The following PCDHGB2 variants were observed in gnomAD, a reference collection of about 807,000 sequenced individuals.
PCDHGB2 encodes protocadherin gamma subfamily B, 2, also known as protocadherin gamma-B2.
PCDHGB2 carries 55 observed loss-of-function variants against 59.3 expected under a neutral mutation model. The observed-to-expected ratio is 0.93, with a 90% CI of 0.75 to 1.16. The LOEUF (loss-of-function observed/expected upper bound fraction) is 1.16. Ranked by LOEUF, PCDHGB2 falls within the 50% of genes most tolerant of loss-of-function variation. The probability of loss-of-function intolerance (pLI) is 0.00; values close to 1 mark genes in which losing one functional copy is unlikely to be tolerated. For missense variants in PCDHGB2, 1,228 were observed against 1,198.5 expected (o/e 1.02, Z -0.36); for synonymous variants, 516 against 512.0 (o/e 1.01, Z -0.11).
chr5:141,465,627 A>C lies in PCDHGB2; in HGVS notation c.2422-29180A>C, dbSNP rs370355596. 1.1e-4 allele frequency among the ~76,000 whole-genome samples: 17 copies of C among 152,326 alleles called. 1 individual carries two copies. The South Asian group carries it at 3.3e-3, about 30-fold the overall frequency. On this transcript the variant is annotated intron_variant, in intron 1 of 3. Coordinates refer to ENST00000522605, the MANE Select transcript of PCDHGB2 (RefSeq NM_018923.3). ...TCTTTGGCCCTCCAGGAAGTCAACCAGCAAAATGCTTTGAACATCCCAAAA... is the reference window on the plus strand; with the variant it reads ...TCTTTGGCCCTCCAGGAAGTCAACCCGCAAAATGCTTTGAACATCCCAAAA...
intron 1 of PCDHGB2, chr5:141,375,778 C>T (rs772854971): frequency 1.9e-6 from 3 of 1,614,242 alleles, no homozygotes; most frequent in South Asian, 2.2e-5. Flanking sequence ...TCCTGTACCC[C>T]GCCCTCCCCA....
intron 1 of PCDHGB2, among the ~76,000 whole-genome samples, chr5:141,381,193 T>C (rs1052848234): frequency 2.6e-5 from 4 of 152,260 alleles, no homozygotes; most frequent in African/African-American, 9.6e-5. Context: ...TAAGCTTTCT[T>C]AGTGTTAGTT....
chr5:141,409,056 C>T, intron 1 of PCDHGB2: 2 of 1,613,926 alleles, frequency 1.2e-6, no homozygotes, highest in South Asian at 1.1e-5. Context: ...CGAAGCACTG[C>T]CCAGAGCACA....
At chr5:141,374,840 G>A (rs766575793) in intron 1 of PCDHGB2, 4 of 1,613,792 alleles carry the variant, frequency 2.5e-6, no homozygotes, top group Non-Finnish European at 3.4e-6. Context: ...AAGTGTTCCT[G>A]AAAACCTGCC....
chr5:141,450,251 C>T (rs2154563018), intron 1 of PCDHGB2, among the ~76,000 whole-genome samples: 1 of 152,200 alleles, frequency 6.6e-6, no homozygotes. Context: ...CTCCTGACCT[C>T]AAGTGATCTG....
intron 1 of PCDHGB2, among the ~76,000 whole-genome samples, chr5:141,424,906 A>T (rs1417615946): frequency 5.9e-5 from 9 of 152,212 alleles, no homozygotes. Context: ...GATCACAGGA[A>T]TCATTTCCAT....
At chr5:141,415,552 G>A in intron 1 of PCDHGB2, 1 of 1,614,098 alleles carries the variant, frequency 6.2e-7, no homozygotes, top group Admixed American at 1.7e-5. Context: ...TGAGAAAAAC[G>A]ATCCTTTGTC....
At chr5:141,362,751 C>T (rs1293273265) in intron 1 of PCDHGB2, 195 bp downstream of exon 1, 5 of 673,946 alleles carry the variant, frequency 7.4e-6, no homozygotes, top group African/African-American at 1.8e-5. Context: ...TGATTGCAAA[C>T]CTTTATCACA....
At position 141,489,852 on chromosome 5, in the gene PCDHGB2, C is replaced by G. The variant is rs1197191101; in HGVS notation, c.2422-4955C>G. ...TAGAGCAGCAGCTGGATCGTGAAGC[C>G]CAGGCAAGACATCAGCTGGTGCTTA... On this transcript the variant is annotated intron_variant, in intron 1 of 3. Transcript: ENST00000522605. This position sits in a 1 kb window ranked among gnomAD's most constrained non-coding sequence, Gnocchi z 4.5. The G allele has an allele frequency of 6.2e-7, 1 of 1,614,034 alleles. No homozygotes were observed. Among genetic ancestry groups the G allele is most frequent in the Admixed American group, 1.7e-5 (1 of 60,004 alleles).
intron 1 of PCDHGB2, chr5:141,390,010 T>C: frequency 6.2e-7 from 1 of 1,614,044 alleles, no homozygotes; most frequent in East Asian, 2.2e-5. Context: ...ATTCTGGCCA[T>C]TGCCTTGCGC....
intron 1 of PCDHGB2, chr5:141,375,207 AC>A (rs775034160): frequency 9.3e-6 from 15 of 1,613,778 alleles, no homozygotes; most frequent in Non-Finnish European, 1.2e-5. Context: ...TTCGATCGAG[AC>A]TCTGGCCTGA....
At chr5:141,387,643 C>G in intron 1 of PCDHGB2, 1 of 625,670 alleles carries the variant, frequency 1.6e-6, no homozygotes, top group Non-Finnish European at 2.7e-6. Flanking sequence ...CGCTGTTGGC[C>G]AAAGTGGAGA....
chr5:141,421,592 T>C (rs1590304832), intron 1 of PCDHGB2: 1 of 1,613,272 alleles, frequency 6.2e-7, no homozygotes, highest in Non-Finnish European at 8.5e-7. Context: ...GGAGTGGAGG[T>C]GGAAATAATA....
chr5:141,389,074 G>C (rs1561622860), intron 1 of PCDHGB2: 11 of 1,614,030 alleles, frequency 6.8e-6, no homozygotes, highest in Non-Finnish European at 9.3e-6. Context: ...ACTTCTTCAA[G>C]AAACACGTAT....
intron 1 of PCDHGB2, among the ~76,000 whole-genome samples, chr5:141,461,644 A>C (rs1266858748): frequency 1.3e-5 from 2 of 151,868 alleles, no homozygotes; most frequent in Non-Finnish European, 2.9e-5. Flanking sequence ...TTCTTCTTTG[A>C]CCCATGGATT....
Position 141,511,381 on chromosome 5 carries a change from G to C in PCDHGB2, c.*208G>C. 8.5e-7 allele frequency: 1 copy of C among 1,170,380 alleles called. No individual in the cohort carries two copies. Among genetic ancestry groups the C allele is most frequent in the Non-Finnish European group, 1.2e-6 (1 of 854,768 alleles). 72.5% of individuals were successfully genotyped at this position (1,170,380 alleles called of 1,614,324 possible). On this transcript the variant is annotated 3_prime_UTR_variant, in exon 4 of 4. Coordinates refer to ENST00000522605, the MANE Select transcript of PCDHGB2 (RefSeq NM_018923.3). The stretch of plus-strand genomic sequence containing the variant: ...GGGTTGAATATGCAAAAGCAGTTCC[G>C]CTGGGAACCCCCATCCAATCAACTG...
intron 1 of PCDHGB2, among the ~76,000 whole-genome samples, chr5:141,369,601 T>C (rs1247680470): frequency 2.0e-5 from 3 of 152,244 alleles, no homozygotes; most frequent in Non-Finnish European, 4.4e-5. Flanking sequence ...ACTTCTATTT[T>C]ATAAGGTCAA....
intron 1 of PCDHGB2, chr5:141,389,495 G>A (rs751415442): frequency 4.3e-6 from 7 of 1,613,020 alleles, no homozygotes; most frequent in Non-Finnish European, 5.9e-6. Context: ...ACCAGGGCTC[G>A]CCAGCGCTCA....
At position 141,362,271 on chromosome 5, in the gene PCDHGB2, C is replaced by A. The variant is rs183808051; in HGVS notation, c.2136C>A (p.Ser712=). The change falls in exon 1 of 4, where the codon TCC becomes TCA. Residue 712 remains serine, a synonymous_variant. Coordinates refer to ENST00000522605, the MANE Select transcript of PCDHGB2 (RefSeq NM_018923.3). The part of the protein sequence containing the change: ...LFFLAVILAI[S]LRLRLSSRSD... Reference sequence around the variant, plus strand: ...TCCTCGCGGTGATTCTGGCAATCTCCCTGCGCCTGCGACTCTCTTCCAGGT... The same window carrying A: ...TCCTCGCGGTGATTCTGGCAATCTCACTGCGCCTGCGACTCTCTTCCAGGT... 9.6e-4 allele frequency: 1,557 copies of A among 1,614,030 alleles called. 12 individuals carry two copies. The African/African-American group carries it at 0.01, about 10-fold the overall frequency.
Sources: gnomAD v4.1 joint callset for allele counts (sites outside exome capture counted in the v4.1 genomes callset) on GRCh38, gnomAD v4.1.1 for gene constraint, Gnocchi (gnomAD v3.1) non-coding constraint, MANE v1.5 for transcripts, NCBI Gene and HGNC (gene_info 2026-07-23, HGNC 2026-07-21) for gene names.